IL1RAPL2: variants seen among roughly 807,000 people sequenced by gnomAD.
The protein encoded by IL1RAPL2 is X-linked interleukin-1 receptor accessory protein-like 2.
A neutral mutation model predicts 44.1 loss-of-function variants in IL1RAPL2; 3 were observed. That is an observed-to-expected ratio of 0.07 (90% confidence interval 0.03 to 0.18). IL1RAPL2 has a LOEUF of 0.18. Among genes scored for constraint, IL1RAPL2 ranks in the 10% least tolerant of loss-of-function variants. The probability of loss-of-function intolerance (pLI) is 1.00; values close to 1 mark genes in which losing one functional copy is unlikely to be tolerated. For synonymous variants in IL1RAPL2, 181 were observed against 178.8 expected (o/e 1.01, Z -0.10); for missense variants, 391 against 496.4 (o/e 0.79, Z 2.02).
intron 2 of IL1RAPL2, among the ~76,000 whole-genome samples, chrX:105,012,645 TCA>T (rs1168286976): frequency 7.6e-3 from 370 of 48,400 alleles, no homozygotes; most frequent in African/African-American, 0.015. Context: ...TCTCTCTCTC[TCA>T]CACACACACA....
intron 2 of IL1RAPL2, among the ~76,000 whole-genome samples, chrX:104,747,762 T>C (rs908064765): frequency 2.7e-5 from 3 of 111,452 alleles, no homozygotes; most frequent in African/African-American, 9.8e-5. Flanking sequence ...CATGACTCTT[T>C]TTTTGTTGTT....
chrX:105,473,645 C>T, intron 5 of IL1RAPL2, among the ~76,000 whole-genome samples: 1 of 111,703 alleles, frequency 9.0e-6, no homozygotes, highest in South Asian at 3.7e-4. Context: ...TTTTGTATTG[C>T]AAAACATCAT....
chrX:105,703,160 T>G (rs2038134084), intron 6 of IL1RAPL2, among the ~76,000 whole-genome samples: 1 of 111,379 alleles, frequency 9.0e-6, no homozygotes, highest in Non-Finnish European at 1.9e-5. Flanking sequence ...TATTCTTTGT[T>G]GTGGGGGATG....
intron 2 of IL1RAPL2, among the ~76,000 whole-genome samples, chrX:105,069,721 A>G (rs1449288845): frequency 2.7e-5 from 3 of 112,491 alleles, no homozygotes; most frequent in East Asian, 5.5e-4. Context: ...TTCTTCCAAC[A>G]GGAGTTGAAT....
intron 3 of IL1RAPL2, among the ~76,000 whole-genome samples, chrX:105,226,385 C>CTTTTTTTTTTTTTTTTTTTTTT (rs35192051): frequency 1.9e-5 from 1 of 53,352 alleles, no homozygotes; most frequent in African/African-American, 9.5e-5. Flanking sequence ...TTTCTTTTCC[C>CTTTTTTTTTTTTTTTTTTTTTT]TTTTTTTTTT....
At chrX:105,379,554 ATATGAGGG>A (rs1314303966) in intron 5 of IL1RAPL2, among the ~76,000 whole-genome samples, 4 of 111,600 alleles carry the variant, frequency 3.6e-5, no homozygotes, top group African/African-American at 1.3e-4. Context: ...AAAATCCAGG[ATATGAGGG>A]TATGACAGAG....
intron 2 of IL1RAPL2, among the ~76,000 whole-genome samples, chrX:104,879,988 G>A (rs1471050598): frequency 4.5e-5 from 5 of 111,251 alleles, no homozygotes; most frequent in Non-Finnish European, 9.4e-5. Context: ...GAAAAGTGGG[G>A]GAGTGTGTAG....
chrX:105,392,110 T>C (rs781500332), intron 5 of IL1RAPL2, among the ~76,000 whole-genome samples: 152 of 107,222 alleles, frequency 1.4e-3, no homozygotes, highest in African/African-American at 4.2e-3. Flanking sequence ...CTAACCTGCA[T>C]GTTGTGCACA....
intron 9 of IL1RAPL2, among the ~76,000 whole-genome samples, chrX:105,753,534 C>G (rs2038612700): frequency 9.0e-6 from 1 of 111,480 alleles, no homozygotes. Context: ...AGTCAGGGGC[C>G]TGCAGGTGTA....
chrX:105,344,647 T>G (rs1485339467), intron 5 of IL1RAPL2, among the ~76,000 whole-genome samples: 2 of 111,771 alleles, frequency 1.8e-5, no homozygotes, highest in Non-Finnish European at 3.8e-5. Context: ...CAAGTATACT[T>G]GACTTTACTT....
intron 5 of IL1RAPL2, among the ~76,000 whole-genome samples, chrX:105,310,790 T>C (rs114235770): frequency 0.036 from 4,035 of 111,691 alleles, 200 homozygotes; most frequent in African/African-American, 0.12. Context: ...ATTTCTAACT[T>C]AATTCCACTG....
chrX:104,835,044 A>G (rs1025883786), intron 2 of IL1RAPL2, among the ~76,000 whole-genome samples: 4 of 112,231 alleles, frequency 3.6e-5, no homozygotes, highest in Non-Finnish European at 7.5e-5. Flanking sequence ...CTTTGAAAAC[A>G]GAAAAAAAAT....
intron 2 of IL1RAPL2, among the ~76,000 whole-genome samples, chrX:104,976,254 T>C (rs1206261872): frequency 1.8e-5 from 2 of 111,359 alleles, no homozygotes; most frequent in African/African-American, 3.3e-5. Context: ...ATGCTCATCA[T>C]TGTCTCCATG....
intron 2 of IL1RAPL2, among the ~76,000 whole-genome samples, chrX:105,162,353 G>T (rs1191535656): frequency 1.8e-5 from 2 of 111,970 alleles, no homozygotes; most frequent in Non-Finnish European, 3.8e-5. Context: ...AAAATCAATT[G>T]CTTTACAATA....
intron 2 of IL1RAPL2, among the ~76,000 whole-genome samples, chrX:104,756,792 T>A (rs1230201143): frequency 1.8e-5 from 2 of 109,893 alleles, no homozygotes; most frequent in African/African-American, 6.6e-5. Context: ...TGAGGAGGAC[T>A]CACATGAAGG....
Position 105,563,986 on chromosome X carries a change from G to T in IL1RAPL2, c.772+79599G>T, listed in dbSNP as rs760116834. ...TAAACTGAATAGCTAATAAACAACA[G>T]AAATTTCTTTCTTATAGTTCTAGAG... is the stretch of plus-strand genomic sequence containing the variant. On this transcript the variant is annotated intron_variant, in intron 6 of 10. Transcript: ENST00000372582. Among the ~76,000 whole-genome samples the T allele has an allele frequency of 4.5e-5, 5 of 111,615 alleles. No individual in the cohort carries two copies. The South Asian group carries it at 1.9e-3, about 42-fold the overall frequency.
intron 2 of IL1RAPL2, among the ~76,000 whole-genome samples, chrX:104,832,623 G>A (rs1009589259): frequency 3.8e-4 from 43 of 111,744 alleles, no homozygotes; most frequent in Non-Finnish European, 1.5e-4. Flanking sequence ...TAGAATTTCC[G>A]TTCCTTAGGT....
intron 2 of IL1RAPL2, among the ~76,000 whole-genome samples, chrX:104,698,875 A>G (rs777006221): frequency 8.9e-6 from 1 of 111,965 alleles, no homozygotes; most frequent in South Asian, 3.8e-4. Context: ...TATATTAGTT[A>G]GGGTGAGGGC....
At chrX:105,481,013 A>G (rs1827428209) in intron 5 of IL1RAPL2, among the ~76,000 whole-genome samples, 1 of 111,826 alleles carries the variant, frequency 8.9e-6, no homozygotes, top group South Asian at 3.7e-4. Context: ...ATCTCTTTCC[A>G]TTCACAGGTT....
Sources: allele counts gnomAD v4.1 joint callset (sites outside exome capture counted in the v4.1 genomes callset), GRCh38; gene constraint gnomAD v4.1.1; transcripts MANE v1.5; gene names NCBI Gene and HGNC (gene_info 2026-07-23, HGNC 2026-07-21).